DLGAP2: variants seen among roughly 807,000 people sequenced by gnomAD.
The protein encoded by DLGAP2 is disks large-associated protein 2.
Under a neutral mutation model 100.3 loss-of-function variants are expected in DLGAP2, and 26 were observed. The observed-to-expected ratio is 0.26, with a 90% CI of 0.19 to 0.36. The LOEUF (loss-of-function observed/expected upper bound fraction) is 0.36, where lower values mean the gene tolerates loss of function less well. Ranked by LOEUF, DLGAP2 falls within the 10% of genes least tolerant of loss-of-function variation. The pLI is 1.00. For missense variants in DLGAP2, 1,858 were observed against 1,453.2 expected, an observed-to-expected ratio of 1.28 and a Z score of -4.53; for synonymous variants, 886 against 630.1, an observed-to-expected ratio of 1.41 and a Z score of -6.08.
At chr8:1,352,326 G>A (rs1434971065) in intron 3 of DLGAP2, among the ~76,000 whole-genome samples, 1 of 151,750 alleles carries the variant, frequency 6.6e-6, no homozygotes, top group African/African-American at 2.4e-5. Flanking sequence ...GGTCCTGAGT[G>A]TGTGTGGAAA....
At chr8:744,950 C>G (rs1820580356) in intron 1 of DLGAP2, among the ~76,000 whole-genome samples, 1 of 152,208 alleles carries the variant, frequency 6.6e-6, no homozygotes, top group Non-Finnish European at 1.5e-5. Flanking sequence ...GCATGCTGTC[C>G]TCAGTGCAGC....
At chr8:1,450,772 A>C (rs1251751388) in intron 3 of DLGAP2, among the ~76,000 whole-genome samples, 3 of 152,110 alleles carry the variant, frequency 2.0e-5, no homozygotes, top group African/African-American at 2.4e-5. Flanking sequence ...CTCTGCGCTC[A>C]ACGTTCCCAA....
intron 2 of DLGAP2, among the ~76,000 whole-genome samples, chr8:1,105,699 A>C (rs1193143747): frequency 6.8e-6 from 1 of 146,122 alleles, no homozygotes; most frequent in Non-Finnish European, 1.5e-5. Flanking sequence ...TTTTCTACTG[A>C]AGGGGGCCGT....
intron 8 of DLGAP2, 96 bp from the exon 9 acceptor site, chr8:1,668,233 C>T: frequency 1.7e-6 from 2 of 1,190,694 alleles, no homozygotes; most frequent in South Asian, 1.7e-5. Flanking sequence ...AACAGACTTG[C>T]TCCGTCAACC....
chr8:1,282,364 G>C (rs1360837062), intron 3 of DLGAP2, among the ~76,000 whole-genome samples: 19 of 140,770 alleles, frequency 1.3e-4, no homozygotes, highest in Non-Finnish European at 2.7e-4. Context: ...GACGTGGTGT[G>C]ACCTGAACCC....
At chr8:1,645,640 G>T (rs983328997) in intron 8 of DLGAP2, among the ~76,000 whole-genome samples, 2 of 152,104 alleles carry the variant, frequency 1.3e-5, no homozygotes, top group African/African-American at 4.8e-5. Context: ...CATTTGTGTT[G>T]GTTGATTATC....
At chr8:1,589,891 G>A (rs1796239895) in intron 6 of DLGAP2, among the ~76,000 whole-genome samples, 1 of 152,158 alleles carries the variant, frequency 6.6e-6, no homozygotes, top group Admixed American at 6.5e-5. Flanking sequence ...ACATTTGGGG[G>A]ATGGACTGTA....
At chr8:1,111,555 C>G (rs1385072979) in intron 2 of DLGAP2, among the ~76,000 whole-genome samples, 1 of 152,154 alleles carries the variant, frequency 6.6e-6, no homozygotes, top group East Asian at 1.9e-4. Flanking sequence ...CTCCCCGCTC[C>G]CATATGCCAC....
At chr8:1,640,459 C>T (rs574748258) in intron 8 of DLGAP2, among the ~76,000 whole-genome samples, 81 of 152,332 alleles carry the variant, frequency 5.3e-4, no homozygotes, top group African/African-American at 1.8e-3. Flanking sequence ...GTGCGGGAGT[C>T]GGTCCGAGAT....
intron 2 of DLGAP2, among the ~76,000 whole-genome samples, chr8:914,184 G>T (rs1342691963): frequency 6.6e-6 from 1 of 152,254 alleles, no homozygotes. Flanking sequence ...TGTGATTCAC[G>T]CAGTGAGAAC....
chr8:893,993 A>G (rs1007992073), intron 1 of DLGAP2, among the ~76,000 whole-genome samples: 2 of 152,158 alleles, frequency 1.3e-5, no homozygotes, highest in Non-Finnish European at 2.9e-5. Flanking sequence ...CTTCGAGGTC[A>G]CCCAGGCCGT....
At chr8:1,197,509 G>A (rs17065803) in intron 2 of DLGAP2, among the ~76,000 whole-genome samples, 7,212 of 152,340 alleles carry the variant, frequency 0.047, 249 homozygotes, top group East Asian at 0.1. Flanking sequence ...TGGATGCGGA[G>A]CAGCTGGGCC....
At chr8:1,331,607 C>A (rs1272037161) in intron 3 of DLGAP2, among the ~76,000 whole-genome samples, 1 of 152,170 alleles carries the variant, frequency 6.6e-6, no homozygotes, top group Non-Finnish European at 1.5e-5. Flanking sequence ...TTGTGTTTTT[C>A]TTGGATGCTT....
intron 2 of DLGAP2, among the ~76,000 whole-genome samples, chr8:1,242,042 C>T (rs1427391534): frequency 6.6e-6 from 1 of 152,120 alleles, no homozygotes; most frequent in Non-Finnish European, 1.5e-5. Flanking sequence ...TGATGATTGG[C>T]GTATATTCCA....
chr8:1,237,001 G>A (rs1196714424), intron 2 of DLGAP2, among the ~76,000 whole-genome samples: 174 of 140,866 alleles, frequency 1.2e-3, no homozygotes, highest in African/African-American at 4.2e-3. Context: ...CACACATAGC[G>A]TCATGTCTAG....
In DLGAP2 at chr8:1,703,403, T is replaced by C. The variant is rs1055138922; in HGVS notation, c.*1997T>C. On this transcript the variant is annotated 3_prime_UTR_variant, in exon 15 of 15. Transcript: ENST00000637795. ...AAATGAATACCTAAATCTTGAGTAG[T>C]GTACGGTAATGACGCTTCTTCCTAT... is the stretch of plus-strand genomic sequence containing the variant. The C allele has an allele frequency of 6.6e-6, 1 of 152,610 alleles. No individual in the cohort carries two copies. Among genetic ancestry groups the C allele is most frequent in the African/African-American group, 2.4e-5 (1 of 41,428 alleles). 9.5% of individuals were successfully genotyped at this position (152,610 alleles called of 1,614,324 possible). A position where few individuals can be genotyped will look rare whatever the true frequency, so the allele number is the denominator to read the frequency against.
chr8:1,675,062 C>T (rs1252476346), intron 10 of DLGAP2, among the ~76,000 whole-genome samples: 2 of 152,188 alleles, frequency 1.3e-5, no homozygotes, highest in African/African-American at 2.4e-5. Context: ...TCCTGTAGCC[C>T]GTCTCACCCA....
chr8:1,275,789 A>AAG (rs1290494263), intron 3 of DLGAP2, among the ~76,000 whole-genome samples: 17 of 128,800 alleles, frequency 1.3e-4, no homozygotes, highest in Non-Finnish European at 9.4e-5. Flanking sequence ...AAAAATATAT[A>AAG]ATATATAAAT....
At chr8:1,131,362 G>A (rs573599238) in intron 2 of DLGAP2, among the ~76,000 whole-genome samples, 187 of 152,252 alleles carry the variant, frequency 1.2e-3, no homozygotes, top group South Asian at 0.012. Flanking sequence ...TCCACGTGCC[G>A]GCAGGTGGGG....
Sources: gnomAD v4.1 joint callset for allele counts (sites outside exome capture counted in the v4.1 genomes callset) on GRCh38, gnomAD v4.1.1 for gene constraint, MANE v1.5 for transcripts, NCBI Gene and HGNC (gene_info 2026-07-23, HGNC 2026-07-21) for gene names.